Variants in NEBL observed in about 807,000 individuals in gnomAD.
NEBL encodes the protein nebulette.
A neutral mutation model predicts 140.2 loss-of-function variants in NEBL; 122 were observed. The ratio of observed to expected loss-of-function variants is 0.87; its 90% CI spans 0.75 to 1.01. The LOEUF is 1.01. Among genes scored for constraint, NEBL ranks in the 50% least tolerant of loss-of-function variants. The pLI, the probability that NEBL is intolerant of heterozygous loss-of-function variation, is 0.00. For missense variants in NEBL, 1,365 were observed against 1,231.3 expected (o/e 1.11, Z -1.62); for synonymous variants, 436 against 398.9 (o/e 1.09, Z -1.11).
chr10:20,808,301 CG>C (rs1158004092), intron 26 of NEBL, among the ~76,000 whole-genome samples: 5 of 149,408 alleles, frequency 3.3e-5, no homozygotes, highest in African/African-American at 1.2e-4. Context: ...TGAAGTAAGA[CG>C]GGGGGAAAAT....
At chr10:21,278,700 A>G (rs1564554752) in intron 1 of NEBL, among the ~76,000 whole-genome samples, 1 of 152,232 alleles carries the variant, frequency 6.6e-6, no homozygotes, top group African/African-American at 2.4e-5. Flanking sequence ...ACAGAGGAAG[A>G]GAAGGAGTTT....
chr10:21,054,401 T>C (rs1834918573), intron 2 of NEBL, among the ~76,000 whole-genome samples: 1 of 152,194 alleles, frequency 6.6e-6, no homozygotes, highest in Admixed American at 6.5e-5. Flanking sequence ...TCCGGAACGT[T>C]CCAAGTCAAC....
chr10:20,903,257 G>GA (rs772249309), intron 4 of NEBL, among the ~76,000 whole-genome samples: 2 of 152,004 alleles, frequency 1.3e-5, no homozygotes, highest in African/African-American at 2.4e-5. Flanking sequence ...GCTCACATAT[G>GA]AAAAAAATGC....
At chr10:20,966,154 C>T (rs756059975) in intron 3 of NEBL, among the ~76,000 whole-genome samples, 13 of 152,196 alleles carry the variant, frequency 8.5e-5, no homozygotes, top group Admixed American at 2.0e-4. Context: ...ATATTGAATA[C>T]TATATATTAT....
intron 4 of NEBL, among the ~76,000 whole-genome samples, chr10:20,914,212 T>C (rs1435378013): frequency 2.0e-5 from 3 of 152,204 alleles, no homozygotes; most frequent in Non-Finnish European, 1.5e-5. Flanking sequence ...TCGATGTCAG[T>C]AAGTGCTGGA....
Position 21,069,094 on chromosome 10 carries a change from G to A in NEBL, c.165-48893C>T, listed in dbSNP as rs1835699993. Reference sequence around the variant, plus strand: ...TGTAGAGACAGTGTCTCACTATGTGGCCCAGGCTGGTCTTGAACTCCTGGG... The same window carrying A: ...TGTAGAGACAGTGTCTCACTATGTGACCCAGGCTGGTCTTGAACTCCTGGG... On this transcript the variant is annotated intron_variant, in intron 2 of 6. Transcript: ENST00000417816. Among the ~76,000 whole-genome samples, 3 of 152,028 alleles carry A rather than the reference G, an allele frequency of 2.0e-5. No homozygotes were observed. In the East Asian group the frequency reaches 5.8e-4, roughly 29 times the overall value.
intron 2 of NEBL, among the ~76,000 whole-genome samples, chr10:21,039,595 T>C (rs1834175274): frequency 6.6e-6 from 1 of 152,206 alleles, no homozygotes; most frequent in Non-Finnish European, 1.5e-5. Flanking sequence ...AACTAAATTA[T>C]GTAAAAGATT....
At chr10:21,149,313 CAG>C (rs1840045844) in intron 2 of NEBL, among the ~76,000 whole-genome samples, 4 of 145,528 alleles carry the variant, frequency 2.7e-5, no homozygotes, top group African/African-American at 2.7e-5. Context: ...CTTTTTGAGA[CAG>C]AGTCTGTCTC....
At chr10:21,233,847 T>G (rs1463306229) in intron 3 of NEBL, among the ~76,000 whole-genome samples, 2 of 107,410 alleles carry the variant, frequency 1.9e-5, no homozygotes, top group African/African-American at 5.7e-5. Context: ...GGATATATAT[T>G]ACATATATAG....
intron 7 of NEBL, among the ~76,000 whole-genome samples, chr10:20,867,436 C>CA (rs34118064): frequency 2.6e-5 from 4 of 152,064 alleles, no homozygotes; most frequent in Middle Eastern, 3.4e-3. Flanking sequence ...TTTTCAAAGT[C>CA]AAAAAAACTA....
At chr10:20,855,048 A>C (rs1842923170) in intron 9 of NEBL, among the ~76,000 whole-genome samples, 1 of 151,882 alleles carries the variant, frequency 6.6e-6, no homozygotes, top group Admixed American at 6.6e-5. Context: ...ACATGGTCAA[A>C]CTCTATCTCT....
At chr10:21,093,147 A>C (rs1288429162) in intron 2 of NEBL, among the ~76,000 whole-genome samples, 2 of 29,600 alleles carry the variant, frequency 6.8e-5, no homozygotes, top group Admixed American at 5.0e-4. Context: ...TTTAGCAACA[A>C]GTCTTTTTTT....
intron 4 of NEBL, among the ~76,000 whole-genome samples, chr10:20,938,951 T>C (rs1340609280): frequency 6.6e-6 from 1 of 152,102 alleles, no homozygotes; most frequent in Non-Finnish European, 1.5e-5. Context: ...AAAGACCAAA[T>C]CTATGTCTGC....
At chr10:20,927,966 A>C (rs1412524893) in intron 4 of NEBL, among the ~76,000 whole-genome samples, 2 of 152,198 alleles carry the variant, frequency 1.3e-5, no homozygotes, top group African/African-American at 4.8e-5. Flanking sequence ...CTTTGCTAGG[A>C]GGTACTTTTA....
intron 3 of NEBL, among the ~76,000 whole-genome samples, chr10:21,240,882 C>A (rs1402056394): frequency 1.4e-5 from 2 of 146,984 alleles, no homozygotes; most frequent in African/African-American, 2.5e-5. Context: ...ATTTTCAGAA[C>A]AGAACAGGGC....
At chr10:20,992,281 T>C (rs7915437) in intron 3 of NEBL, among the ~76,000 whole-genome samples, 8,492 of 152,282 alleles carry the variant, frequency 0.056, 515 homozygotes, top group African/African-American at 0.15. Context: ...CTAAGTTTCA[T>C]CAATTTTCCA....
chr10:20,785,633 A>G lies in NEBL; in HGVS notation c.*114T>C. ...TACCTGTGTGTCTAATTGTCAAAGG[A>G]AGGATACATCATTGTAAAATAATGG... On this transcript the variant is annotated 3_prime_UTR_variant, in exon 28 of 28. Transcript: ENST00000377122. 1 of 1,216,656 alleles carries G rather than the reference A, an allele frequency of 8.2e-7. No individual in the cohort carries two copies. Among genetic ancestry groups the G allele is most frequent in the Non-Finnish European group, 1.2e-6 (1 of 849,252 alleles). The allele number at this position is 1,216,656 out of a possible 1,614,324, so 75.4% of individuals were successfully genotyped here.
intron 2 of NEBL, among the ~76,000 whole-genome samples, chr10:21,063,813 T>C (rs925783760): frequency 2.0e-5 from 3 of 152,032 alleles, no homozygotes; most frequent in Non-Finnish European, 4.4e-5. Flanking sequence ...GAGCTTGTAG[T>C]GAGCCAAGGT....
At chr10:21,053,110 C>T (rs1834849632) in intron 2 of NEBL, among the ~76,000 whole-genome samples, 1 of 151,992 alleles carries the variant, frequency 6.6e-6, no homozygotes, top group African/African-American at 2.4e-5. Context: ...TCACATGCCC[C>T]ATAAATATGT....
Sources: gnomAD v4.1 joint callset for allele counts (sites outside exome capture counted in the v4.1 genomes callset) on GRCh38, gnomAD v4.1.1 for gene constraint, MANE v1.5 for transcripts, NCBI Gene and HGNC (gene_info 2026-07-23, HGNC 2026-07-21) for gene names.